Variants in MICAL2 observed in about 807,000 individuals in gnomAD.
MICAL2 encodes the protein microtubule associated monooxygenase, calponin and LIM domain containing 2.
A neutral mutation model predicts 127.3 loss-of-function variants in MICAL2; 77 were observed. The ratio of observed to expected loss-of-function variants is 0.60; its 90% confidence interval spans 0.50 to 0.73. The LOEUF is 0.73. MICAL2 is among the 30% of genes least tolerant of loss of function. The pLI, the probability that MICAL2 is intolerant of heterozygous loss-of-function variation, is 0.00. For missense variants in MICAL2, 1,351 were observed against 1,434.4 expected, an observed-to-expected ratio of 0.94 and a Z score of 0.94; for synonymous variants, 570 against 551.1, an observed-to-expected ratio of 1.03 and a Z score of -0.48.
At chr11:12,136,618 C>G (rs1047343832) in intron 1 of MICAL2, among the ~76,000 whole-genome samples, 15 of 152,146 alleles carry the variant, frequency 9.9e-5, no homozygotes, top group African/African-American at 3.6e-4. Flanking sequence ...GATGAGGGAA[C>G]AGAGGCCCTG....
intron 30 of MICAL2, among the ~76,000 whole-genome samples, chr11:12,323,784 C>T (rs1328034365): frequency 6.6e-6 from 1 of 152,196 alleles, no homozygotes; most frequent in Non-Finnish European, 1.5e-5. Flanking sequence ...GGGCTTGTGG[C>T]TTCTGTATTT....
Position 12,224,666 on chromosome 11 carries a change from CT to C in MICAL2, c.1541-5del. The stretch of plus-strand genomic sequence containing the variant: ...GAGCCTCACTGCCTGCGCTCTCCTT[CT>C]TGCAGAGTCAGATATCCGGCCCAGC... On this transcript the variant is annotated splice_polypyrimidine_tract_variant and splice_region_variant and intron_variant, in intron 12 of 27. Transcript: ENST00000683283. 8 of 1,613,308 alleles carry C rather than the reference CT, an allele frequency of 5.0e-6. No homozygotes were observed. Among genetic ancestry groups the C allele is most frequent in the Non-Finnish European group, 2.5e-6 (3 of 1,179,350 alleles).
At chr11:12,319,544 G>A in intron 29 of MICAL2, 1 of 593,186 alleles carries the variant, frequency 1.7e-6, no homozygotes, top group Admixed American at 3.1e-5. Flanking sequence ...TTGCCCTTAG[G>A]TACTGTTGCC....
At chr11:12,201,212 G>A (rs1024634372) in intron 3 of MICAL2, among the ~76,000 whole-genome samples, 18 of 151,992 alleles carry the variant, frequency 1.2e-4, no homozygotes, top group African/African-American at 4.3e-4. Flanking sequence ...GTCTCCAGCT[G>A]GATCTCAGTG....
intron 32 of MICAL2, among the ~76,000 whole-genome samples, chr11:12,335,422 T>A (rs886720311): frequency 3.3e-5 from 5 of 152,152 alleles, no homozygotes; most frequent in Admixed American, 3.3e-4. Flanking sequence ...ACTCTGTTGG[T>A]AGTTTCTTTT....
At chr11:12,202,722 G>A (rs1565153140) in intron 3 of MICAL2, among the ~76,000 whole-genome samples, 1 of 152,148 alleles carries the variant, frequency 6.6e-6, no homozygotes, top group Non-Finnish European at 1.5e-5. Flanking sequence ...CTAGGTCTAG[G>A]CAATAAGAAT....
intron 3 of MICAL2, among the ~76,000 whole-genome samples, chr11:12,185,042 G>A (rs73414299): frequency 7.1e-4 from 90 of 127,164 alleles, no homozygotes; most frequent in African/African-American, 2.7e-3. Flanking sequence ...GTTTGTAGAA[G>A]ACCTAGAATA....
intron 3 of MICAL2, among the ~76,000 whole-genome samples, chr11:12,170,878 C>T (rs571881467): frequency 5.3e-5 from 8 of 152,318 alleles, no homozygotes; most frequent in South Asian, 4.1e-4. Flanking sequence ...GGTTCATCCC[C>T]GCGTCTCAAG....
intron 30 of MICAL2, among the ~76,000 whole-genome samples, chr11:12,321,571 C>G (rs1285796640): frequency 1.3e-5 from 2 of 152,148 alleles, no homozygotes; most frequent in Non-Finnish European, 2.9e-5. Context: ...TCTTTTCTTC[C>G]CTAGCCCTTA....
chr11:12,349,688 A>G, intron 32 of MICAL2: 1 of 653,776 alleles, frequency 1.5e-6, no homozygotes, highest in South Asian at 1.9e-5. Context: ...TGTCATACCC[A>G]TAACCTGGAG....
At chr11:12,201,411 A>T (rs1421165991) in intron 3 of MICAL2, among the ~76,000 whole-genome samples, 1 of 151,020 alleles carries the variant, frequency 6.6e-6, no homozygotes, top group Non-Finnish European at 1.5e-5. Flanking sequence ...GTGTTTTTTT[A>T]AGATAAGGTT....
intron 3 of MICAL2, among the ~76,000 whole-genome samples, chr11:12,182,946 C>T (rs1857662372): frequency 1.3e-5 from 2 of 152,184 alleles, no homozygotes; most frequent in African/African-American, 4.8e-5. Context: ...CCTGGGAAAC[C>T]CATTAATCAT....
intron 2 of MICAL2, among the ~76,000 whole-genome samples, chr11:12,157,180 T>C (rs1854280232): frequency 6.6e-6 from 1 of 152,222 alleles, no homozygotes; most frequent in Admixed American, 6.5e-5. Context: ...AAACCCTGGT[T>C]GCACTGTCTG....
intron 2 of MICAL2, among the ~76,000 whole-genome samples, chr11:12,151,429 T>A (rs540887021): frequency 6.6e-6 from 1 of 152,300 alleles, no homozygotes; most frequent in South Asian, 2.1e-4. Context: ...TGCCTTCTGA[T>A]CCAGGCCAAA....
intron 26 of MICAL2, chr11:12,261,506 A>C (rs1863106020): frequency 2.0e-6 from 2 of 985,464 alleles, no homozygotes; most frequent in Non-Finnish European, 2.4e-6. Flanking sequence ...CTGGCTGAAC[A>C]ATCAAGGGGC....
chr11:12,230,383 A>G (rs1229901760), intron 15 of MICAL2, among the ~76,000 whole-genome samples: 2 of 152,208 alleles, frequency 1.3e-5, no homozygotes, highest in East Asian at 1.9e-4. Flanking sequence ...TCAGTACAAC[A>G]AAACACGCAA....
intron 7 of MICAL2, among the ~76,000 whole-genome samples, chr11:12,213,905 T>A (rs1011773081): frequency 6.6e-6 from 1 of 152,166 alleles, no homozygotes; most frequent in Non-Finnish European, 1.5e-5. Flanking sequence ...GACATCTGGA[T>A]ACGCCCAGGA....
chr11:12,173,973 C>G (rs764463522), intron 3 of MICAL2, among the ~76,000 whole-genome samples: 1 of 152,064 alleles, frequency 6.6e-6, no homozygotes, highest in Non-Finnish European at 1.5e-5. Flanking sequence ...AGCTATTTTA[C>G]ATTTTTTCGT....
At position 12,204,458 on chromosome 11, in the gene MICAL2, G is replaced by A. The variant is rs768211689; in HGVS notation, c.472+1G>A. The A allele has an allele frequency of 6.2e-7, 1 of 1,613,954 alleles. No homozygotes were observed. The highest frequency in any genetic ancestry group is 2.2e-5 in the East Asian group (1 of 44,888). Reference sequence around the variant, plus strand: ...TGTGCTGGCTCCATCGACCATATCAGTGAGTGGAGTCTATGGTGATATCCC... The same window carrying A: ...TGTGCTGGCTCCATCGACCATATCAATGAGTGGAGTCTATGGTGATATCCC... On this transcript the variant is annotated splice_donor_variant, in intron 4 of 27. Transcript: ENST00000683283. LOFTEE classifies it high-confidence loss of function.
Sources: gnomAD v4.1 joint callset for allele counts (sites outside exome capture counted in the v4.1 genomes callset) on GRCh38, gnomAD v4.1.1 for gene constraint, MANE v1.5 for transcripts, NCBI Gene and HGNC (gene_info 2026-07-23, HGNC 2026-07-21) for gene names.